KLHDC4: variants seen among roughly 807,000 people sequenced by gnomAD.
The protein encoded by KLHDC4 is kelch domain-containing protein 4.
Under a neutral mutation model 62.4 loss-of-function variants are expected in KLHDC4, and 90 were observed. The observed-to-expected ratio is 1.44, with a 90% confidence interval of 1.22 to 1.72. KLHDC4 has a LOEUF of 1.72. Among genes scored for constraint, KLHDC4 ranks in the 40% most tolerant of loss-of-function variants. The pLI, the probability that KLHDC4 is intolerant of heterozygous loss-of-function variation, is 0.00. For missense variants in KLHDC4, 1,025 were observed against 699.7 expected (o/e 1.47, Z -5.25); for synonymous variants, 386 against 284.4 (o/e 1.36, Z -3.59).
At chr16:87,714,402 CTCACCGCCAG>C in intron 8 of KLHDC4, 86 bp downstream of exon 8, 2 of 1,164,278 alleles carry the variant, frequency 1.7e-6, no homozygotes, top group Non-Finnish European at 2.2e-6. Flanking sequence ...GGTGCAGGGG[CTCACCGCCAG>C]CCCCACATCC....
rs146591801 is a variant in KLHDC4, at chr16:87,730,634, C to T, written c.517G>A (p.Gly173Ser). The change falls in exon 6 of 12, where the codon GGT becomes AGT. Residue 173 changes from glycine to serine, a missense_variant. Physicochemically the swap from Gly to Ser is moderately conservative, Grantham distance 56. Coordinates refer to ENST00000270583, the MANE Select transcript of KLHDC4 (RefSeq NM_017566.4). ...CGATGTCCACTCCGACCCGAAGGAC[C>T]GCCTGTTGATCTAAAATGAAATAAA... The part of the protein sequence containing the change: ...KTWEQVKSTG[G>S]PSGRSGHRMV... 1.2e-5 allele frequency: 20 copies of T among 1,612,284 alleles called. No individual in the cohort carries two copies. Among genetic ancestry groups the T allele is most frequent in the African/African-American group, 9.3e-5 (7 of 74,962 alleles).
chr16:87,700,790 G>A (rs2034108134), exon 1 of KLHDC4: 1 of 218,938 alleles, frequency 4.6e-6, no homozygotes. Flanking sequence ...GGAGGAGGTT[G>A]GAGGGCAGAG....
chr16:87,723,363 T>A (rs540161558), intron 7 of KLHDC4, among the ~76,000 whole-genome samples: 1 of 152,264 alleles, frequency 6.6e-6, no homozygotes, highest in African/African-American at 2.4e-5. Context: ...ACCGTCAGAC[T>A]GAGGGCGGGT....
At position 87,718,983 on chromosome 16, in the gene KLHDC4, G is replaced by A. The variant is rs1370749212; in HGVS notation, c.760-4410C>T. ...GGTCTGAGAAGTGAGGAGCCCCTCC[G>A]CCCGGCAGCCGCCCCCTCCGGGAAG... On this transcript the variant is annotated intron_variant, in intron 7 of 11. Transcript: ENST00000270583. Among the ~76,000 whole-genome samples the A allele has an allele frequency of 1.3e-4, 19 of 151,636 alleles. No homozygotes were observed. The East Asian group carries it at 2.7e-3, about 22-fold the overall frequency.
At chr16:87,729,812 G>A (rs1013850146) in intron 6 of KLHDC4, among the ~76,000 whole-genome samples, 1 of 152,142 alleles carries the variant, frequency 6.6e-6, no homozygotes, top group Non-Finnish European at 1.5e-5. Flanking sequence ...GGCCAGCAAC[G>A]TCAACATCAC....
chr16:87,742,712 G>T (rs1314015329), intron 5 of KLHDC4, among the ~76,000 whole-genome samples: 1 of 152,074 alleles, frequency 6.6e-6, no homozygotes, highest in African/African-American at 2.4e-5. Context: ...GCTCCCTAGG[G>T]TCTACGTGGA....
chr16:87,757,181 G>C (rs1404094527), intron 2 of KLHDC4, among the ~76,000 whole-genome samples: 2 of 151,694 alleles, frequency 1.3e-5, no homozygotes, highest in African/African-American at 4.8e-5. Context: ...AAAAAGTCCA[G>C]TAACTAGGCC....
At position 87,729,593 on chromosome 16, in the gene KLHDC4, T is replaced by C. The variant is rs760430321; in HGVS notation, c.599+959A>G. ...ACTGAACTAAGTAAGCTCAAGAAGA[T>C]AACGTGAGCAGATAACAGGCCTAAA... On this transcript the variant is annotated intron_variant, in intron 6 of 11. Transcript: ENST00000270583. Among the ~76,000 whole-genome samples, 5 of 152,146 alleles carry C rather than the reference T, an allele frequency of 3.3e-5. 1 individual carries two copies. Among genetic ancestry groups the C allele is most frequent in the African/African-American group, 7.2e-5 (3 of 41,428 alleles).
chr16:87,709,581 G>A lies in KLHDC4; in HGVS notation c.1131C>T (p.Gly377=). The A allele has an allele frequency of 6.2e-7, 1 of 1,613,016 alleles. No individual in the cohort carries two copies. The highest frequency in any genetic ancestry group is 8.5e-7 in the Non-Finnish European group (1 of 1,179,912). The part of the protein sequence containing the change: ...GGSRPACGGA[G]TQGPVQLVKE... Reference sequence around the variant, plus strand: ...TGACCAGCTGCACAGGCCCCTGGGTGCCAGCTCCCCCACACGCCGGCCTGC... The same window carrying A: ...TGACCAGCTGCACAGGCCCCTGGGTACCAGCTCCCCCACACGCCGGCCTGC... The change falls in exon 10 of 12, where the codon GGC becomes GGT. Residue 377 remains glycine (G), a synonymous_variant. Transcript: ENST00000270583.
intron 4 of KLHDC4, among the ~76,000 whole-genome samples, chr16:87,749,217 T>A (rs1268967218): frequency 1.3e-5 from 2 of 152,048 alleles, no homozygotes. Context: ...CTTGCTATCA[T>A]GTGCCAACTA....
At chr16:87,732,005 G>C (rs1030414571) in intron 5 of KLHDC4, among the ~76,000 whole-genome samples, 3 of 152,028 alleles carry the variant, frequency 2.0e-5, no homozygotes, top group Non-Finnish European at 4.4e-5. Context: ...AGCTGCTCGG[G>C]GCAGGAGCTG....
At chr16:87,752,234 C>T (rs373047136) in intron 4 of KLHDC4, among the ~76,000 whole-genome samples, 2 of 149,734 alleles carry the variant, frequency 1.3e-5, no homozygotes, top group South Asian at 2.1e-4. Flanking sequence ...TAGCGAGACC[C>T]GTTCTCCACA....
chr16:87,740,404 A>G (rs1240562468), intron 5 of KLHDC4, among the ~76,000 whole-genome samples: 1 of 152,124 alleles, frequency 6.6e-6, no homozygotes, highest in African/African-American at 2.4e-5. Context: ...GGGAAACCCT[A>G]CTTTGGGGGT....
downstream of KLHDC4, among the ~76,000 whole-genome samples, chr16:87,706,584 C>A (rs969749028): frequency 2.6e-5 from 4 of 152,208 alleles, no homozygotes; most frequent in Non-Finnish European, 4.4e-5. Flanking sequence ...CAGAGCCTTC[C>A]CCTTTCTGAT....
chr16:87,732,014 T>C (rs572149457), intron 5 of KLHDC4, among the ~76,000 whole-genome samples: 1 of 151,530 alleles, frequency 6.6e-6, no homozygotes, highest in African/African-American at 2.4e-5. Context: ...GGGCAGGAGC[T>C]GGGAGGGGAC....
At chr16:87,754,066 G>A (rs1434711695) in intron 4 of KLHDC4, among the ~76,000 whole-genome samples, 1 of 148,854 alleles carries the variant, frequency 6.7e-6, no homozygotes, top group African/African-American at 2.5e-5. Context: ...CTTGAACCCA[G>A]GAGGCGGAAA....
At chr16:87,724,117 C>T (rs144660311) in intron 7 of KLHDC4, among the ~76,000 whole-genome samples, 235 of 152,270 alleles carry the variant, frequency 1.5e-3, no homozygotes, top group African/African-American at 5.1e-3. Context: ...GGATTACAGG[C>T]GTGAGCCACT....
At chr16:87,727,388 G>A (rs530216714) in intron 6 of KLHDC4, among the ~76,000 whole-genome samples, 2 of 152,330 alleles carry the variant, frequency 1.3e-5, no homozygotes, top group South Asian at 4.1e-4. Context: ...AGTGAATGGC[G>A]CCTCCAAAGG....
rs2046594108 is a variant in KLHDC4, at chr16:87,765,876, G to A, written c.15C>T (p.Gly5=). 4.5e-6 allele frequency: 7 copies of A among 1,550,792 alleles called. No individual in the cohort carries two copies. The highest frequency in any genetic ancestry group is 6.1e-6 in the Non-Finnish European group (7 of 1,146,416). MGKK[G]KKEKKGRGAE... ...CGCCGCGGCCCTTCTTCTCCTTCTT[G>A]CCCTTCTTGCCCATCTTGCCGGGTC... Residue 5 remains glycine (G), a synonymous_variant, in exon 1 of 12, where the codon GGC becomes GGT. Transcript: ENST00000270583.
Sources: allele counts gnomAD v4.1 joint callset (sites outside exome capture counted in the v4.1 genomes callset), GRCh38; gene constraint gnomAD v4.1.1; transcripts MANE v1.5; gene names NCBI Gene and HGNC (gene_info 2026-07-23, HGNC 2026-07-21).